The following DRC3 variants were observed in gnomAD, a reference collection of about 807,000 sequenced individuals.
The protein encoded by DRC3 is leucine rich repeat containing 48.
In DRC3, 45 loss-of-function variants were observed where a neutral mutation model predicts 57.6. That is an observed-to-expected ratio of 0.78 (90% confidence interval 0.62 to 1.00). The LOEUF (loss-of-function observed/expected upper bound fraction) is 1.00, where lower values mean the gene tolerates loss of function less well. Among genes scored for constraint, DRC3 ranks in the 50% least tolerant of loss-of-function variants. DRC3 has a pLI of 0.00. For synonymous variants in DRC3, 257 were observed against 272.3 expected (o/e 0.94, Z 0.55); for missense variants, 655 against 675.2 (o/e 0.97, Z 0.33).
chr17:18,016,194 G>A lies in DRC3; in HGVS notation c.1457G>A (p.Arg486Lys), dbSNP rs2145472575. The A allele has an allele frequency of 6.2e-7, 1 of 1,613,500 alleles. No individual in the cohort carries two copies. The highest frequency in any genetic ancestry group is 1.1e-5 in the South Asian group (1 of 91,064). ...TCTTGGTGTACACGTTTAATAGACA[G>A]GGTGAGTCAATCCCAAGCCATCCTA... ...INSWCTRLIDRIHKDEIMRNR... is the reference protein window; with the variant it reads ...INSWCTRLIDKIHKDEIMRNR... The change falls in exon 13 of 14, where the codon AGG becomes AAG. Residue 486 changes from arginine to lysine, a missense_variant and splice_region_variant. By Grantham distance (26) the Arg-to-Lys change is conservative. Transcript: ENST00000399187.
At chr17:17,987,559 A>G (rs750114843) in intron 4 of DRC3, among the ~76,000 whole-genome samples, 1 of 152,134 alleles carries the variant, frequency 6.6e-6, no homozygotes, top group Admixed American at 6.5e-5. Flanking sequence ...TCTTGCTAAA[A>G]TGCCACAGGT....
intron 6 of DRC3, 109 bp downstream of exon 6, chr17:17,993,020 A>G (rs754083315): frequency 8.4e-7 from 1 of 1,197,492 alleles, no homozygotes; most frequent in Non-Finnish European, 1.2e-6. Flanking sequence ...CACAACTAGG[A>G]GAGAAAGGGC....
At position 18,008,703 on chromosome 17, in the gene DRC3, G is replaced by A. The variant is rs1484353826; in HGVS notation, c.1326+1556G>A. 5.3e-5 allele frequency among the ~76,000 whole-genome samples: 8 copies of A among 152,180 alleles called. No individual in the cohort carries two copies. Among genetic ancestry groups the A allele is most frequent in the African/African-American group, 1.7e-4 (7 of 41,436 alleles). On this transcript the variant is annotated intron_variant, in intron 12 of 13. Transcript: ENST00000399187. This position sits in a 1 kb window ranked among gnomAD's most constrained non-coding sequence, Gnocchi z 4.3. The stretch of plus-strand genomic sequence containing the variant: ...GCCTTCCCTCCCTAAGCTGATAACT[G>A]CAGCTAATTGCTATTGACCAGACAC...
chr17:18,007,224 T>G, intron 12 of DRC3, 77 bp downstream of exon 12: 2 of 346,392 alleles, frequency 5.8e-6, no homozygotes, highest in South Asian at 7.3e-5. Context: ...GCTCTGTGAG[T>G]AAGCCTGACA....
intron 6 of DRC3, chr17:17,993,234 C>G (rs2043310589): frequency 4.5e-6 from 1 of 222,736 alleles, no homozygotes; most frequent in Non-Finnish European, 8.9e-6. Context: ...GCCTGTAATC[C>G]CAGCACTTTG....
chr17:18,010,948 TTG>T, intron 12 of DRC3: 1 of 223,530 alleles, frequency 4.5e-6, no homozygotes, highest in Non-Finnish European at 9.0e-6. Flanking sequence ...GGTTTTTTTT[TTG>T]TTTGTTTGTT....
rs371540180 is a variant in DRC3, at chr17:18,016,717, C to T, written c.*46C>T. ...CTTCTTCAAAACATAGCACCAGCCC[C>T]AGCCAGGAGAAGGAAGTGCACACGC... On this transcript the variant is annotated 3_prime_UTR_variant, in exon 14 of 14. Transcript: ENST00000399187. 7 of 1,321,298 alleles carry T rather than the reference C, an allele frequency of 5.3e-6. No homozygotes were observed. Among genetic ancestry groups the T allele is most frequent in the Non-Finnish European group, 7.6e-6 (7 of 922,152 alleles). The allele number at this position is 1,321,298 out of a possible 1,614,324, so 81.8% of individuals were successfully genotyped here.
intron 10 of DRC3, chr17:18,004,874 C>G (rs1018911311): frequency 1.0e-5 from 2 of 192,312 alleles, no homozygotes; most frequent in South Asian, 2.3e-4. Flanking sequence ...TCTCAGGTGA[C>G]GTGAGGAGGC....
intron 12 of DRC3, among the ~76,000 whole-genome samples, chr17:18,014,815 T>G (rs1238939215): frequency 6.6e-6 from 1 of 152,152 alleles, no homozygotes; most frequent in Non-Finnish European, 1.5e-5. Context: ...GAAAACAGGC[T>G]TTACACACCT....
chr17:17,985,607 A>G (rs2042919626), intron 4 of DRC3, among the ~76,000 whole-genome samples: 1 of 152,210 alleles, frequency 6.6e-6, no homozygotes, highest in Non-Finnish European at 1.5e-5. Flanking sequence ...GGCTCTCAAC[A>G]GCTGGCTATA....
Position 18,004,466 on chromosome 17 carries a change from T to C in DRC3, c.1103T>C (p.Leu368Pro), listed in dbSNP as rs771302184. 6.2e-7 allele frequency: 1 copy of C among 1,611,556 alleles called. No individual in the cohort carries two copies. The highest frequency in any genetic ancestry group is 1.1e-5 in the South Asian group (1 of 90,282). Reference sequence around the variant, plus strand: ...GAGTTGTTCGATGCGCTCATGACGCTGGAGATGCAGCTGGTGGAGCAGCTG... The same window carrying C: ...GAGTTGTTCGATGCGCTCATGACGCCGGAGATGCAGCTGGTGGAGCAGCTG... ...ISELFDALMTLEMQLVEQLEE... is the reference protein window; with the variant it reads ...ISELFDALMTPEMQLVEQLEE... The change falls in exon 10 of 14, where the codon CTG becomes CCG. Residue 368 changes from leucine (L) to proline (P), a missense_variant. Leu to Pro is a moderately conservative substitution (Grantham distance 98, BLOSUM62 -3). Transcript: ENST00000399187.
chr17:17,994,179 G>A (rs2145336283), intron 6 of DRC3, 120 bp from the exon 7 acceptor site: 1 of 1,322,752 alleles, frequency 7.6e-7, no homozygotes, highest in South Asian at 1.4e-5. Context: ...CTTCATGCAG[G>A]CCCCTGTGCA....
chr17:17,991,379 C>T (rs963525855), intron 5 of DRC3, among the ~76,000 whole-genome samples: 3 of 150,738 alleles, frequency 2.0e-5, no homozygotes, highest in African/African-American at 7.3e-5. Flanking sequence ...CAACCTCCGC[C>T]TCTTGGGTTC....
chr17:18,005,018 G>C (rs2043897149), intron 10 of DRC3: 1 of 154,066 alleles, frequency 6.5e-6, no homozygotes, highest in South Asian at 2.0e-4. Context: ...ATCGGATGCT[G>C]CTGTGGCTGG....
intron 2 of DRC3, among the ~76,000 whole-genome samples, chr17:17,975,716 C>T (rs1404676942): frequency 6.6e-6 from 1 of 151,956 alleles, no homozygotes; most frequent in Non-Finnish European, 1.5e-5. Context: ...CGAGGTGGAG[C>T]CAGTGTGAAC....
chr17:17,994,784 T>C (rs2043389625), intron 7 of DRC3, among the ~76,000 whole-genome samples: 1 of 152,226 alleles, frequency 6.6e-6, no homozygotes, highest in African/African-American at 2.4e-5. Flanking sequence ...CCAGTTGGCC[T>C]CTTTCCCACC....
At chr17:18,010,455 A>G (rs1236562348) in intron 12 of DRC3, among the ~76,000 whole-genome samples, 4 of 152,228 alleles carry the variant, frequency 2.6e-5, no homozygotes, top group Non-Finnish European at 4.4e-5. Flanking sequence ...CATTCTTCGC[A>G]GAAATAGAAA....
chr17:18,004,945 C>CA (rs1347861041), intron 10 of DRC3: 1 of 160,976 alleles, frequency 6.2e-6, no homozygotes, highest in East Asian at 1.8e-4. Context: ...CATTAGCAGC[C>CA]AGAGTATGTG....
chr17:18,004,817 G>T lies in DRC3; in HGVS notation c.1131+323G>T, dbSNP rs1325505483. 5.6e-5 allele frequency: 15 copies of T among 269,234 alleles called. No homozygotes were observed. In the Admixed American group the frequency reaches 7.4e-4, roughly 13 times the overall value. 16.7% of individuals were successfully genotyped at this position (269,234 alleles called of 1,614,324 possible). On this transcript the variant is annotated intron_variant, in intron 10 of 13. Coordinates refer to ENST00000399187, the MANE Select transcript of DRC3 (RefSeq NM_031294.4). ...CTAAAGGCAAAGCGCACCCCCACTTGGGGACCAAACAAAGACCCCTCCGCA... is the reference window on the plus strand; with the variant it reads ...CTAAAGGCAAAGCGCACCCCCACTTTGGGACCAAACAAAGACCCCTCCGCA...
Sources: allele counts gnomAD v4.1 joint callset (sites outside exome capture counted in the v4.1 genomes callset), GRCh38; gene constraint gnomAD v4.1.1; non-coding constraint Gnocchi (gnomAD v3.1); transcripts MANE v1.5; gene names NCBI Gene and HGNC (gene_info 2026-07-23, HGNC 2026-07-21).